The following NPAS3 variants were observed in gnomAD, a reference collection of about 807,000 sequenced individuals.
The protein encoded by NPAS3 is neuronal PAS domain protein 3.
In NPAS3, 14 loss-of-function variants were observed where a neutral mutation model predicts 73.1. The ratio of observed to expected loss-of-function variants is 0.19; its 90% CI spans 0.13 to 0.30. NPAS3 has a LOEUF of 0.30. Ranked by LOEUF, NPAS3 falls within the 10% of genes least tolerant of loss-of-function variation. The pLI is 1.00. For synonymous variants in NPAS3, 620 were observed against 541.5 expected (o/e 1.14, Z -2.01); for missense variants, 1,096 against 1,250.0 (o/e 0.88, Z 1.86).
intron 3 of NPAS3, among the ~76,000 whole-genome samples, chr14:33,232,251 C>A (rs916916011): frequency 6.6e-6 from 1 of 152,168 alleles, no homozygotes; most frequent in Non-Finnish European, 1.5e-5. Context: ...AGTTGCTGGG[C>A]CAGCGTGGAC....
chr14:33,464,354 G>A (rs979042294), intron 4 of NPAS3, among the ~76,000 whole-genome samples: 2 of 152,064 alleles, frequency 1.3e-5, no homozygotes, highest in Admixed American at 6.6e-5. Context: ...TTAACTCATG[G>A]TAACAGTAAG....
intron 4 of NPAS3, among the ~76,000 whole-genome samples, chr14:33,482,598 A>G (rs1367078521): frequency 6.6e-6 from 1 of 152,136 alleles, no homozygotes; most frequent in East Asian, 1.9e-4. Flanking sequence ...CAGAGAGTTG[A>G]GGAGCAGAGT....
chr14:33,534,852 G>A (rs1390830649), intron 4 of NPAS3, among the ~76,000 whole-genome samples: 8 of 152,092 alleles, frequency 5.3e-5, no homozygotes, highest in African/African-American at 1.9e-4. Context: ...GTGGAATGGG[G>A]GAATCCCTGC....
chr14:33,364,618 G>A (rs765119349), intron 3 of NPAS3, among the ~76,000 whole-genome samples: 1 of 152,116 alleles, frequency 6.6e-6, no homozygotes, highest in East Asian at 1.9e-4. Flanking sequence ...GTGTATGGGG[G>A]TACACACTCA....
chr14:33,554,305 A>G (rs2055254253), intron 4 of NPAS3, among the ~76,000 whole-genome samples: 1 of 152,212 alleles, frequency 6.6e-6, no homozygotes, highest in African/African-American at 2.4e-5. Flanking sequence ...GTTATGTCAC[A>G]ACAGTGAAGA....
Position 33,257,203 on chromosome 14 carries a change from A to G in NPAS3, c.385+41777A>G, listed in dbSNP as rs998856550. ...TCGCCTCCCAGAAACTGATGGTGCCAGGCATGAATGCCATTGGCTTCCTGC... is the reference window on the plus strand; with the variant it reads ...TCGCCTCCCAGAAACTGATGGTGCCGGGCATGAATGCCATTGGCTTCCTGC... On this transcript the variant is annotated intron_variant, in intron 3 of 11. Coordinates refer to ENST00000356141, the Ensembl canonical transcript of NPAS3. 2.0e-5 allele frequency among the ~76,000 whole-genome samples: 3 copies of G among 152,206 alleles called. 1 individual carries two copies. Among genetic ancestry groups the G allele is most frequent in the Middle Eastern group, 6.3e-3 (2 of 316 alleles).
chr14:33,197,642 A>T (rs891854921), intron 2 of NPAS3, among the ~76,000 whole-genome samples: 1 of 152,248 alleles, frequency 6.6e-6, no homozygotes, highest in Admixed American at 6.5e-5. Context: ...AGATTCAGCT[A>T]CAGGAAAACA....
intron 5 of NPAS3, among the ~76,000 whole-genome samples, chr14:33,583,616 C>A (rs898020557): frequency 6.6e-6 from 1 of 151,954 alleles, no homozygotes. Flanking sequence ...AGCAGAGAAA[C>A]AAATCTCTTT....
intron 2 of NPAS3, among the ~76,000 whole-genome samples, chr14:33,108,195 A>AT (rs11373741): frequency 0.72 from 101,092 of 140,304 alleles, 36,787 homozygotes; most frequent in Middle Eastern, 0.81. Flanking sequence ...TATTGTTCTG[A>AT]TTTTTTTTTT....
chr14:33,629,143 G>T (rs1158230083), intron 5 of NPAS3, among the ~76,000 whole-genome samples: 1 of 151,906 alleles, frequency 6.6e-6, no homozygotes, highest in Admixed American at 6.6e-5. Flanking sequence ...GCTGAGGCAG[G>T]AGAATGGCGT....
intron 1 of NPAS3, among the ~76,000 whole-genome samples, chr14:32,989,513 G>A (rs1160478900): frequency 2.6e-5 from 4 of 152,058 alleles, no homozygotes; most frequent in Admixed American, 2.0e-4. Flanking sequence ...GCGAGGTGGC[G>A]GGCGCCTGTA....
chr14:33,086,720 C>T (rs2042036973), intron 2 of NPAS3, among the ~76,000 whole-genome samples: 1 of 152,114 alleles, frequency 6.6e-6, no homozygotes, highest in African/African-American at 2.4e-5. Flanking sequence ...TCTTCCAACC[C>T]TTTTAAATGA....
chr14:33,706,541 G>A (rs1284990548), intron 6 of NPAS3, among the ~76,000 whole-genome samples: 2 of 152,152 alleles, frequency 1.3e-5, no homozygotes, highest in Non-Finnish European at 2.9e-5. Flanking sequence ...AATGGACACT[G>A]GGGCACGTGG....
At chr14:33,068,209 A>T (rs1304442800) in intron 2 of NPAS3, among the ~76,000 whole-genome samples, 1 of 152,202 alleles carries the variant, frequency 6.6e-6, no homozygotes, top group Non-Finnish European at 1.5e-5. Flanking sequence ...GCTCCATCTC[A>T]CGTCAAGCTG....
At chr14:33,562,020 A>T (rs2055673867) in intron 5 of NPAS3, among the ~76,000 whole-genome samples, 1 of 152,200 alleles carries the variant, frequency 6.6e-6, no homozygotes, top group Non-Finnish European at 1.5e-5. Flanking sequence ...AAAGAATATT[A>T]GCTCTTGGGT....
intron 2 of NPAS3, among the ~76,000 whole-genome samples, chr14:33,189,376 A>C (rs1245162337): frequency 1.3e-5 from 2 of 152,204 alleles, no homozygotes; most frequent in Admixed American, 6.5e-5. Flanking sequence ...AAAATCATGC[A>C]TTGTGTACTA....
chr14:33,701,699 C>G lies in NPAS3; in HGVS notation c.733+25314C>G, dbSNP rs2060527558. 2.0e-5 allele frequency among the ~76,000 whole-genome samples: 3 copies of G among 152,198 alleles called. 1 individual carries two copies. The South Asian group carries it at 6.2e-4, about 31-fold the overall frequency. ...AATTTCTACACAGGAGTATTTAGAG[C>G]AACTCTTTAAAGGCCTGTTCCTTCA... On this transcript the variant is annotated intron_variant, in intron 6 of 11. Transcript: ENST00000356141.
intron 2 of NPAS3, among the ~76,000 whole-genome samples, chr14:33,095,294 T>G (rs1241129598): frequency 1.3e-5 from 2 of 152,230 alleles, no homozygotes; most frequent in Non-Finnish European, 2.9e-5. Flanking sequence ...TTCCCTAAGC[T>G]GCTGGCAGGC....
rs575620037 is a variant in NPAS3, at chr14:33,790,026, C to T, written c.1154-3871C>T. Among the ~76,000 whole-genome samples the T allele has an allele frequency of 3.9e-5, 6 of 152,256 alleles. No homozygotes were observed. The East Asian group carries it at 9.7e-4, about 25-fold the overall frequency. Reference sequence around the variant, plus strand: ...TTTGGAATAAACCAAAGAAAAGATGCCAGGTTACATGTTAGAGGTACCTAG... The same window carrying T: ...TTTGGAATAAACCAAAGAAAAGATGTCAGGTTACATGTTAGAGGTACCTAG... On this transcript the variant is annotated intron_variant, in intron 9 of 11. Transcript: ENST00000356141.
Sources: allele counts gnomAD v4.1 joint callset (sites outside exome capture counted in the v4.1 genomes callset), GRCh38; gene constraint gnomAD v4.1.1; transcripts MANE v1.5; gene names NCBI Gene and HGNC (gene_info 2026-07-23, HGNC 2026-07-21).